Variants in UBXN2B observed in about 807,000 individuals in gnomAD.
UBXN2B encodes the protein UBX domain-containing protein 2B.
A neutral mutation model predicts 37.5 loss-of-function variants in UBXN2B; 19 were observed. The ratio of observed to expected loss-of-function variants is 0.51; its 90% confidence interval spans 0.35 to 0.74. The LOEUF (loss-of-function observed/expected upper bound fraction) is 0.74, where lower values mean the gene tolerates loss of function less well. UBXN2B is among the 30% of genes least tolerant of loss of function. UBXN2B has a pLI of 0.01. For missense variants in UBXN2B, 370 were observed against 393.2 expected (o/e 0.94, Z 0.50); for synonymous variants, 145 against 143.8 (o/e 1.01, Z -0.06).
chr8:58,435,155 G>C, intron 5 of UBXN2B: 1 of 1,351,144 alleles, frequency 7.4e-7, no homozygotes, highest in Non-Finnish European at 9.5e-7. Flanking sequence ...AAGACATAAA[G>C]TTGAGCATAA....
chr8:58,426,177 C>G (rs1808078576), intron 2 of UBXN2B: 5 of 699,656 alleles, frequency 7.1e-6, no homozygotes, highest in Non-Finnish European at 2.7e-6. Context: ...CCACACAGAT[C>G]ACAGTAATCA....
At chr8:58,415,235 G>A (rs1807745422) in intron 1 of UBXN2B, among the ~76,000 whole-genome samples, 1 of 152,062 alleles carries the variant, frequency 6.6e-6, no homozygotes, top group Non-Finnish European at 1.5e-5. Context: ...GTGAAGGAGA[G>A]CTGAAATGGG....
chr8:58,446,711 T>TCATAGTTAC (rs1299618061), intron 7 of UBXN2B, among the ~76,000 whole-genome samples: 2 of 148,986 alleles, frequency 1.3e-5, no homozygotes, highest in Non-Finnish European at 3.0e-5. Flanking sequence ...CACAGGCCAA[T>TCATAGTTAC]CATAGTTACC....
intron 6 of UBXN2B, 141 bp from the exon 7 acceptor site, chr8:58,445,766 C>A: frequency 1.5e-6 from 1 of 676,874 alleles, no homozygotes; most frequent in East Asian, 3.3e-5. Flanking sequence ...ATCGTAGGAT[C>A]CAAAATAACT....
intron 1 of UBXN2B, among the ~76,000 whole-genome samples, chr8:58,412,021 A>C (rs1363078282): frequency 6.6e-6 from 1 of 152,206 alleles, no homozygotes; most frequent in Non-Finnish European, 1.5e-5. Context: ...CATTGCACTG[A>C]AGAAACTGGG....
At chr8:58,426,494 C>G in intron 2 of UBXN2B, 1 of 712,224 alleles carries the variant, frequency 1.4e-6, no homozygotes, top group Non-Finnish European at 2.6e-6. Flanking sequence ...AGGTGTGAAC[C>G]ACCGTGACCG....
intron 5 of UBXN2B, chr8:58,435,067 GC>G: frequency 4.2e-6 from 6 of 1,438,890 alleles, no homozygotes; most frequent in Non-Finnish European, 5.4e-6. Flanking sequence ...AAGTGATTTT[GC>G]TATGATAATA....
chr8:58,416,659 G>A (rs1807790492), intron 1 of UBXN2B, among the ~76,000 whole-genome samples, 191 bp from the exon 2 acceptor site: 1 of 152,122 alleles, frequency 6.6e-6, no homozygotes, highest in Non-Finnish European at 1.5e-5. Context: ...TAATAGATGT[G>A]GCATTTTGGT....
At chr8:58,424,879 T>C in intron 2 of UBXN2B, 3 of 1,093,610 alleles carry the variant, frequency 2.7e-6, no homozygotes, top group Non-Finnish European at 1.4e-6. Context: ...CCTCTGAGAC[T>C]GCACCATCTG....
At chr8:58,421,701 CCT>C (rs1322326029) in intron 2 of UBXN2B, among the ~76,000 whole-genome samples, 1 of 152,168 alleles carries the variant, frequency 6.6e-6, no homozygotes, top group African/African-American at 2.4e-5. Context: ...ATCATCCCAG[CCT>C]CTCTGCCTGA....
rs1808752349 is a variant in UBXN2B at position 58,449,278 on chromosome 8, A to G, written c.*1727A>G. On this transcript the variant is annotated 3_prime_UTR_variant, in exon 8 of 8. Transcript: ENST00000399598. ...AGGACATTAACATTTTACATGGAACATTATTCTTGCCTACTACAGTTCCCA... is the reference window on the plus strand; with the variant it reads ...AGGACATTAACATTTTACATGGAACGTTATTCTTGCCTACTACAGTTCCCA... 6.6e-6 allele frequency: 1 copy of G among 152,190 alleles called. No individual in the cohort carries two copies. Among genetic ancestry groups the G allele is most frequent in the Non-Finnish European group, 1.5e-5 (1 of 68,032 alleles). The allele number at this position is 152,190 out of a possible 1,614,324, so 9.4% of individuals were successfully genotyped here. A position where few individuals can be genotyped will look rare whatever the true frequency, so the allele number is the denominator to read the frequency against.
rs1418841413 is a variant in UBXN2B, at chr8:58,445,966, T to A, written c.731T>A (p.Leu244His). Residue 244 changes from leucine to histidine, a missense_variant, in exon 7 of 8, where the codon CTT (leucine) becomes CAT (histidine). Coordinates refer to ENST00000399598, the MANE Select transcript of UBXN2B (RefSeq NM_001077619.2). ...SSPEEEDKSI[L>H]NAVVLIDDSV... Reference sequence around the variant, plus strand: ...CCAGAAGAGGAGGATAAATCAATACTTAATGCAGTTGTTCTTATTGATGAT... The same window carrying A: ...CCAGAAGAGGAGGATAAATCAATACATAATGCAGTTGTTCTTATTGATGAT... 6.2e-7 allele frequency: 1 copy of A among 1,613,104 alleles called. No individual in the cohort carries two copies. The highest frequency in any genetic ancestry group is 2.2e-5 in the East Asian group (1 of 44,768).
chr8:58,446,003 A>C lies in UBXN2B; in HGVS notation c.768A>C (p.Thr256=). The change falls in exon 7 of 8, where the codon ACA becomes ACC. Residue 256 remains threonine, a synonymous_variant. Coordinates refer to ENST00000399598, the MANE Select transcript of UBXN2B (RefSeq NM_001077619.2). ...AVVLIDDSVP[T]TKIQIRLADG... ...TTCTTATTGATGATTCAGTGCCAACAACAAAAATTCAAATCAGGTTAGCAG... is the reference window on the plus strand; with the variant it reads ...TTCTTATTGATGATTCAGTGCCAACCACAAAAATTCAAATCAGGTTAGCAG... The C allele has an allele frequency of 6.2e-7, 1 of 1,613,478 alleles. No individual in the cohort carries two copies. Among genetic ancestry groups the C allele is most frequent in the Non-Finnish European group, 8.5e-7 (1 of 1,179,806 alleles).
intron 2 of UBXN2B, among the ~76,000 whole-genome samples, chr8:58,428,125 G>C (rs1476234323): frequency 6.6e-6 from 1 of 152,222 alleles, no homozygotes; most frequent in South Asian, 2.1e-4. Flanking sequence ...TGAGTATTCA[G>C]TAGCAAACCT....
intron 5 of UBXN2B, among the ~76,000 whole-genome samples, chr8:58,436,055 TA>T (rs1808404956): frequency 6.6e-6 from 1 of 152,236 alleles, no homozygotes; most frequent in Non-Finnish European, 1.5e-5. Context: ...TTTTAGTTTA[TA>T]AATGCCCTGG....
At chr8:58,424,778 C>A in intron 2 of UBXN2B, 2 of 1,442,310 alleles carry the variant, frequency 1.4e-6, no homozygotes, top group Non-Finnish European at 2.0e-6. Flanking sequence ...CTTTTCTGCT[C>A]TTCTTCAATC....
chr8:58,427,240 A>G (rs1432874832), intron 2 of UBXN2B, among the ~76,000 whole-genome samples: 1 of 152,186 alleles, frequency 6.6e-6, no homozygotes, highest in Non-Finnish European at 1.5e-5. Context: ...AGGCTGAAGC[A>G]TTGCAGATCG....
At chr8:58,425,452 G>A in intron 2 of UBXN2B, 3 of 1,135,388 alleles carry the variant, frequency 2.6e-6, no homozygotes, top group East Asian at 2.3e-5. Flanking sequence ...GATGATATTT[G>A]CATTGATGTC....
intron 2 of UBXN2B, among the ~76,000 whole-genome samples, chr8:58,420,205 AT>A (rs1807889887): frequency 6.6e-6 from 1 of 152,200 alleles, no homozygotes; most frequent in Non-Finnish European, 1.5e-5. Flanking sequence ...TTTAGTTCCC[AT>A]ACAGTTTACA....
Sources: gnomAD v4.1 joint callset for allele counts (sites outside exome capture counted in the v4.1 genomes callset) on GRCh38, gnomAD v4.1.1 for gene constraint, MANE v1.5 for transcripts, NCBI Gene and HGNC (gene_info 2026-07-23, HGNC 2026-07-21) for gene names.